DAPK2: variants seen among roughly 807,000 people sequenced by gnomAD.
DAPK2 encodes death associated protein kinase 2.
DAPK2 carries 35 observed loss-of-function variants against 44.1 expected under a neutral mutation model. That is an observed-to-expected ratio of 0.79 (90% CI 0.61 to 1.05). The LOEUF is 1.05. Among genes scored for constraint, DAPK2 ranks in the 50% least tolerant of loss-of-function variants. The probability of loss-of-function intolerance (pLI) is 0.00; values close to 1 mark genes in which losing one functional copy is unlikely to be tolerated. For missense variants in DAPK2, 453 were observed against 483.2 expected, an observed-to-expected ratio of 0.94 and a Z score of 0.59; for synonymous variants, 174 against 182.6, an observed-to-expected ratio of 0.95 and a Z score of 0.38.
chr15:63,942,084 G>A (rs994308289), intron 3 of DAPK2: 4 of 382,034 alleles, frequency 1.0e-5, no homozygotes, highest in Admixed American at 6.4e-5. Context: ...CACACCACAC[G>A]CTGAATGGGG....
At chr15:64,040,120 C>T (rs2080313821) in intron 1 of DAPK2, 50 bp downstream of exon 2, 1 of 1,444,916 alleles carries the variant, frequency 6.9e-7, no homozygotes, top group Non-Finnish European at 9.7e-7. Flanking sequence ...CCAGAAGAAG[C>T]ATGACTTTGG....
chr15:63,994,645 A>G (rs1256168457), intron 1 of DAPK2, among the ~76,000 whole-genome samples: 1 of 145,826 alleles, frequency 6.9e-6, no homozygotes, highest in Non-Finnish European at 1.5e-5. Flanking sequence ...GCTGGAGTGC[A>G]ATGGCTCCAT....
intron 1 of DAPK2, among the ~76,000 whole-genome samples, chr15:64,028,920 CT>C (rs201573915): frequency 0.013 from 1,907 of 152,052 alleles, 26 homozygotes; most frequent in African/African-American, 0.042. Context: ...ATTCTTACAA[CT>C]TTTTTTTATC....
chr15:64,025,870 T>G (rs1223148209), intron 1 of DAPK2, among the ~76,000 whole-genome samples: 1 of 152,244 alleles, frequency 6.6e-6, no homozygotes, highest in Non-Finnish European at 1.5e-5. Flanking sequence ...GATAACATTT[T>G]GCTTAATTGG....
chr15:63,949,534 G>A (rs11854537), intron 3 of DAPK2, among the ~76,000 whole-genome samples: 74,358 of 151,934 alleles, frequency 0.49, 19,413 homozygotes, highest in East Asian at 0.97. Flanking sequence ...GAGGAGCCTG[G>A]GCCTGGATTC....
intron 1 of DAPK2, among the ~76,000 whole-genome samples, chr15:64,006,644 C>T (rs75239438): frequency 0.034 from 5,173 of 152,308 alleles, 121 homozygotes; most frequent in African/African-American, 0.062. Flanking sequence ...CGTCACCTCA[C>T]TTTATAAATG....
At chr15:64,046,327 C>T (rs1252266169), upstream of DAPK2, 3 of 952,116 alleles carry the variant, frequency 3.2e-6, no homozygotes, top group South Asian at 9.9e-5. The surrounding 1 kb of genome is among the most constrained non-coding windows in gnomAD (Gnocchi z 5.3). Context: ...GCGGTCGCGG[C>T]CGCGGCAGGC....
rs2078807085 is a variant in DAPK2, at chr15:63,912,030, G to C, written c.949-39C>G. The C allele has an allele frequency of 2.5e-6, 4 of 1,606,422 alleles. No homozygotes were observed. Among genetic ancestry groups the C allele is most frequent in the Non-Finnish European group, 3.4e-6 (4 of 1,176,364 alleles). On this transcript the variant is annotated intron_variant, in intron 9 of 10. Coordinates refer to ENST00000261891, the Ensembl canonical transcript of DAPK2. The surrounding 1 kb of genome is among the most constrained non-coding windows in gnomAD (Gnocchi z 4.4). ...AGGAAAGGAATCCCCAGGTGAGAAT[G>C]TGCATGGAGACCCTGGAGAGCCAGA...
intron 2 of DAPK2, among the ~76,000 whole-genome samples, chr15:63,975,683 C>T (rs1393230964): frequency 6.6e-6 from 1 of 151,904 alleles, no homozygotes; most frequent in Non-Finnish European, 1.5e-5. Context: ...ACTGCAACCT[C>T]CGCCTCCCAG....
rs188018170 is a variant in DAPK2, at chr15:64,024,600, C to G, written c.92+15570G>C. Among the ~76,000 whole-genome samples, 1,444 of 152,332 alleles carry G rather than the reference C, an allele frequency of 9.5e-3. 10 individuals are homozygous for G. Among genetic ancestry groups the G allele is most frequent in the Non-Finnish European group, 0.015 (1,046 of 68,018 alleles). ...TCACAGTGGCAGAGCCAGGATCAGA[C>G]TTGGACCTGGTGATTCCAGTGCCCA... On this transcript the variant is annotated intron_variant, in intron 1 of 10. Transcript: ENST00000261891.
rs200401936 is a variant in DAPK2, at chr15:64,016,838, G to A, written c.92+23332C>T. Among the ~76,000 whole-genome samples the A allele has an allele frequency of 1.1e-3, 128 of 118,094 alleles. 1 individual carries two copies. Among genetic ancestry groups the A allele is most frequent in the African/African-American group, 2.4e-3 (71 of 30,044 alleles). 77.5% of individuals were successfully genotyped at this position (118,094 alleles called of 152,430 possible). ...AAGGGGAAGGGGAAGGAAGGAAGGA[G>A]GGAAGGAAGGAAGGAAGGAAGGAAG... On this transcript the variant is annotated intron_variant, in intron 1 of 10. Coordinates refer to ENST00000261891, the Ensembl canonical transcript of DAPK2.
At chr15:63,975,720 T>C (rs1328944975) in intron 2 of DAPK2, among the ~76,000 whole-genome samples, 1 of 152,034 alleles carries the variant, frequency 6.6e-6, no homozygotes, top group Admixed American at 6.6e-5. Flanking sequence ...GGCCTCAGCC[T>C]CCTGAGTAGC....
At chr15:64,042,797 G>A (rs982667327), upstream of DAPK2, among the ~76,000 whole-genome samples, 8 of 152,154 alleles carry the variant, frequency 5.3e-5, no homozygotes, top group Non-Finnish European at 1.2e-4. This position sits in a 1 kb window ranked among gnomAD's most constrained non-coding sequence, Gnocchi z 4.7. Flanking sequence ...GCCAGGGGAG[G>A]CCCAGCTGGA....
At chr15:63,976,568 C>A (rs1162865391) in intron 2 of DAPK2, among the ~76,000 whole-genome samples, 1 of 151,134 alleles carries the variant, frequency 6.6e-6, no homozygotes, top group Non-Finnish European at 1.5e-5. Context: ...AAAAAAAAAA[C>A]TTAGCTGGGC....
intron 3 of DAPK2, among the ~76,000 whole-genome samples, chr15:63,953,793 C>G (rs1239012109): frequency 6.6e-6 from 1 of 152,164 alleles, no homozygotes; most frequent in Non-Finnish European, 1.5e-5. Context: ...TACTGACTGT[C>G]TTTTGGATAA....
intron 1 of DAPK2, among the ~76,000 whole-genome samples, chr15:64,003,239 C>A (rs2079144398): frequency 6.6e-6 from 1 of 152,136 alleles, no homozygotes; most frequent in African/African-American, 2.4e-5. Context: ...ACTCTGAAGG[C>A]TGGACTTCGA....
chr15:63,950,139 C>T (rs1345153995), intron 3 of DAPK2, among the ~76,000 whole-genome samples: 1 of 152,206 alleles, frequency 6.6e-6, no homozygotes, highest in African/African-American at 2.4e-5. Flanking sequence ...GTTCTACTTT[C>T]AAATGTATGC....
At chr15:63,970,369 G>C (rs944168102) in intron 3 of DAPK2, among the ~76,000 whole-genome samples, 2 of 152,062 alleles carry the variant, frequency 1.3e-5, no homozygotes, top group African/African-American at 4.8e-5. Flanking sequence ...TTCCTTATAA[G>C]GCCCTTCTCT....
intron 3 of DAPK2, among the ~76,000 whole-genome samples, chr15:63,945,050 A>T (rs536030240): frequency 3.3e-5 from 5 of 151,088 alleles, no homozygotes; most frequent in Non-Finnish European, 7.4e-5. Context: ...ATCTTTTTCT[A>T]AAAAAAGAGA....
Sources: allele counts gnomAD v4.1 joint callset (sites outside exome capture counted in the v4.1 genomes callset), GRCh38; gene constraint gnomAD v4.1.1; non-coding constraint Gnocchi (gnomAD v3.1); transcripts MANE v1.5; gene names NCBI Gene and HGNC (gene_info 2026-07-23, HGNC 2026-07-21).